CADM1: variants seen among roughly 807,000 people sequenced by gnomAD.
CADM1 encodes the protein cell adhesion molecule 1.
In CADM1, 15 loss-of-function variants were observed where a neutral mutation model predicts 53.1. That is an observed-to-expected ratio of 0.28 (90% CI 0.19 to 0.44). The LOEUF (loss-of-function observed/expected upper bound fraction) is 0.44. Among genes scored for constraint, CADM1 ranks in the 20% least tolerant of loss-of-function variants. The probability of loss-of-function intolerance (pLI) is 1.00; values close to 1 mark genes in which losing one functional copy is unlikely to be tolerated. For synonymous variants in CADM1, 281 were observed against 243.0 expected (o/e 1.16, Z -1.45); for missense variants, 434 against 611.3 (o/e 0.71, Z 3.06).
chr11:115,391,029 A>G (rs1308909464), intron 1 of CADM1, among the ~76,000 whole-genome samples: 1 of 152,252 alleles, frequency 6.6e-6, no homozygotes, highest in Non-Finnish European at 1.5e-5. Context: ...ATAGCAAAGC[A>G]ATAGAAATGC....
chr11:115,474,328 A>ATATC (rs1211123856), intron 1 of CADM1, among the ~76,000 whole-genome samples: 186 of 151,382 alleles, frequency 1.2e-3, no homozygotes, highest in Admixed American at 0.011. Context: ...ATTAGGCAAA[A>ATATC]TATCTGAATA....
chr11:115,443,745 G>A (rs1002107068), intron 1 of CADM1, among the ~76,000 whole-genome samples: 7 of 152,216 alleles, frequency 4.6e-5, no homozygotes, highest in African/African-American at 1.2e-4. Flanking sequence ...CAAGCAGTCT[G>A]CTAAATTTGT....
chr11:115,438,001 C>T (rs45509898), intron 1 of CADM1, among the ~76,000 whole-genome samples: 2,800 of 152,280 alleles, frequency 0.018, 36 homozygotes, highest in Non-Finnish European at 0.029. Flanking sequence ...CACCGTGTAA[C>T]GCCTGATTGC....
intron 1 of CADM1, among the ~76,000 whole-genome samples, chr11:115,417,401 G>A (rs957048751): frequency 6.6e-6 from 1 of 152,194 alleles, no homozygotes; most frequent in African/African-American, 2.4e-5. Context: ...AAGACCCCCA[G>A]TGGATGCCTG....
chr11:115,381,207 T>A (rs1193660276), intron 1 of CADM1, among the ~76,000 whole-genome samples: 1 of 150,802 alleles, frequency 6.6e-6, no homozygotes, highest in Non-Finnish European at 1.5e-5. Context: ...GGCAGGAGAA[T>A]CACTTGAACC....
chr11:115,249,933 C>T (rs553342467), intron 1 of CADM1, among the ~76,000 whole-genome samples: 1 of 151,592 alleles, frequency 6.6e-6, no homozygotes, highest in Non-Finnish European at 1.5e-5. Flanking sequence ...GAGACAGAGT[C>T]TCCCTCTGTT....
intron 1 of CADM1, among the ~76,000 whole-genome samples, chr11:115,442,857 G>A (rs1462997630): frequency 6.6e-6 from 1 of 152,166 alleles, no homozygotes; most frequent in South Asian, 2.1e-4. Context: ...CAAGATACAT[G>A]ATTTAACACC....
chr11:115,469,016 G>A (rs1948953712), intron 1 of CADM1, among the ~76,000 whole-genome samples: 1 of 152,062 alleles, frequency 6.6e-6, no homozygotes, highest in Admixed American at 6.5e-5. Flanking sequence ...CCACCCCCAT[G>A]ATTAAATTAC....
intron 5 of CADM1, among the ~76,000 whole-genome samples, chr11:115,228,486 G>C (rs554228523): frequency 6.6e-6 from 1 of 152,230 alleles, no homozygotes; most frequent in South Asian, 2.1e-4. Context: ...CCACAACCTT[G>C]GCATAAGAAT....
At chr11:115,465,635 G>T in intron 1 of CADM1, among the ~76,000 whole-genome samples, 1 of 152,120 alleles carries the variant, frequency 6.6e-6, no homozygotes, top group East Asian at 1.9e-4. Flanking sequence ...GAAAACGAAG[G>T]TTCAGGCAGG....
In CADM1 at chr11:115,175,526, C is replaced by A; in HGVS notation, c.*948G>T. 1 of 985,450 alleles carries A rather than the reference C, an allele frequency of 1.0e-6. No homozygotes were observed. The highest frequency in any genetic ancestry group is 4.7e-5 in the South Asian group (1 of 21,270). 61.0% of individuals were successfully genotyped at this position (985,450 alleles called of 1,614,324 possible). On this transcript the variant is annotated 3_prime_UTR_variant, in exon 12 of 12. Transcript: ENST00000331581. ...AACAACCAGAGCAGAACTGTATTTC[C>A]CCCCTCCCTACTTCCCCTCCTGTGG...
At chr11:115,404,070 A>G in intron 1 of CADM1, among the ~76,000 whole-genome samples, 1 of 150,708 alleles carries the variant, frequency 6.6e-6, no homozygotes, top group East Asian at 2.0e-4. Context: ...TCACGCCTGT[A>G]ATCCCAACAC....
intron 1 of CADM1, among the ~76,000 whole-genome samples, chr11:115,433,804 G>A (rs1011779647): frequency 6.6e-6 from 1 of 152,168 alleles, no homozygotes; most frequent in Non-Finnish European, 1.5e-5. Context: ...CACGTCGGCT[G>A]GTTCAATGAT....
At chr11:115,454,124 G>T (rs1370203392) in intron 1 of CADM1, among the ~76,000 whole-genome samples, 1 of 151,056 alleles carries the variant, frequency 6.6e-6, no homozygotes, top group Non-Finnish European at 1.5e-5. Flanking sequence ...AATTAACAAA[G>T]GTCTCTCTTT....
chr11:115,311,041 C>T (rs545861305), intron 1 of CADM1, among the ~76,000 whole-genome samples: 3 of 152,236 alleles, frequency 2.0e-5, no homozygotes, highest in South Asian at 2.1e-4. Flanking sequence ...TCAACTACTT[C>T]GTGATATGAT....
At chr11:115,361,429 T>C (rs1946025952) in intron 1 of CADM1, among the ~76,000 whole-genome samples, 1 of 152,158 alleles carries the variant, frequency 6.6e-6, no homozygotes, top group Non-Finnish European at 1.5e-5. Flanking sequence ...ACTTGAAACA[T>C]TTTAAGAGTC....
chr11:115,284,409 A>G (rs1943675823), intron 1 of CADM1, among the ~76,000 whole-genome samples: 1 of 151,888 alleles, frequency 6.6e-6, no homozygotes, highest in Admixed American at 6.6e-5. Context: ...TACTAGAATA[A>G]TGCTCCCGGC....
At chr11:115,387,351 TAAAC>T (rs773727887) in intron 1 of CADM1, among the ~76,000 whole-genome samples, 72 of 151,550 alleles carry the variant, frequency 4.8e-4, no homozygotes, top group Admixed American at 1.8e-3. Flanking sequence ...ATAAAATTAA[TAAAC>T]AAAGATGGGA....
At chr11:115,466,111 G>A (rs1013385665) in intron 1 of CADM1, among the ~76,000 whole-genome samples, 1 of 150,968 alleles carries the variant, frequency 6.6e-6, no homozygotes, top group African/African-American at 2.4e-5. Flanking sequence ...AAAAAGCTAT[G>A]AAAAAAAAAC....
Sources: gnomAD v4.1 joint callset for allele counts (sites outside exome capture counted in the v4.1 genomes callset) on GRCh38, gnomAD v4.1.1 for gene constraint, MANE v1.5 for transcripts, NCBI Gene and HGNC (gene_info 2026-07-23, HGNC 2026-07-21) for gene names.